TRIM5: variants seen among roughly 807,000 people sequenced by gnomAD.
TRIM5 encodes tripartite motif-containing protein 5.
TRIM5 carries 31 observed loss-of-function variants against 35.6 expected under a neutral mutation model. The ratio of observed to expected loss-of-function variants is 0.87; its 90% CI spans 0.65 to 1.18. TRIM5 has a LOEUF of 1.18. Among genes scored for constraint, TRIM5 ranks in the 50% most tolerant of loss-of-function variants. The pLI is 0.00. For missense variants in TRIM5, 609 were observed against 591.6 expected (o/e 1.03, Z -0.31); for synonymous variants, 243 against 215.6 (o/e 1.13, Z -1.11).
chr11:5,593,851 C>T, the TRIM5 span, among the ~76,000 whole-genome samples: 1 of 152,196 alleles, frequency 6.6e-6, no homozygotes, highest in Non-Finnish European at 1.5e-5. Context: ...GCCCTCTTTA[C>T]CTTCAAACCT....
chr11:5,671,000 T>G (rs1235479055), intron 4 of TRIM5, among the ~76,000 whole-genome samples: 2 of 151,998 alleles, frequency 1.3e-5, no homozygotes, highest in African/African-American at 4.8e-5. Context: ...TCCCAGGACT[T>G]TGGGAGGCTG....
chr11:5,596,515 T>TCCCCTTCC, the TRIM5 span: 14 of 24,860 alleles, frequency 5.6e-4, no homozygotes, highest in African/African-American at 1.7e-3. Context: ...TCCCCCGTTC[T>TCCCCTTCC]CCCCTTCCCC....
chr11:5,592,915 A>T, the TRIM5 span, among the ~76,000 whole-genome samples: 1 of 98,552 alleles, frequency 1.0e-5, no homozygotes, highest in Non-Finnish European at 2.1e-5. Flanking sequence ...AGATTGTCTC[A>T]AAAAAAAAAA....
At chr11:5,604,041 G>T in the TRIM5 span, among the ~76,000 whole-genome samples, 5 of 152,082 alleles carry the variant, frequency 3.3e-5, no homozygotes, top group Admixed American at 1.3e-4. Flanking sequence ...TGTCGCCCAG[G>T]TTGGAGTGCA....
At chr11:5,635,640 C>T in the TRIM5 span, among the ~76,000 whole-genome samples, 1 of 152,118 alleles carries the variant, frequency 6.6e-6, no homozygotes, top group African/African-American at 2.4e-5. Flanking sequence ...ACAGACAGTG[C>T]TCTCCTTTCT....
chr11:5,620,322 C>T, the TRIM5 span, among the ~76,000 whole-genome samples: 2 of 151,350 alleles, frequency 1.3e-5, no homozygotes, highest in Non-Finnish European at 2.9e-5. Context: ...GGACTACAGG[C>T]GCGCGCCACT....
At chr11:5,615,243 C>A in the TRIM5 span, among the ~76,000 whole-genome samples, 2 of 152,118 alleles carry the variant, frequency 1.3e-5, no homozygotes, top group African/African-American at 2.4e-5. Flanking sequence ...AATGTGTATT[C>A]TGTGGTCCTG....
rs373609829 is a variant in TRIM5, at chr11:5,683,527, G to A, written c.-62+1341C>T. Among the ~76,000 whole-genome samples the A allele has an allele frequency of 4.1e-4, 62 of 150,746 alleles. 2 individuals carry two copies. The East Asian group carries it at 7.4e-3, about 18-fold the overall frequency. ...GACTTGGAGAAACTTTATGTCTAGCGAAGGGATTGTAAATACACCAATCGG... is the reference window on the plus strand; with the variant it reads ...GACTTGGAGAAACTTTATGTCTAGCAAAGGGATTGTAAATACACCAATCGG... On this transcript the variant is annotated intron_variant, in intron 1 of 7. Coordinates refer to ENST00000380034, the MANE Select transcript of TRIM5 (RefSeq NM_033034.3).
chr11:5,679,048 C>T lies in TRIM5; in HGVS notation c.513+26G>A, dbSNP rs780276344. 167 of 1,600,406 alleles carry T rather than the reference C, an allele frequency of 1.0e-4. No individual in the cohort carries two copies. The South Asian group carries it at 1.1e-3, about 11-fold the overall frequency. ...TGGTCCTGCCCAGATTTCTAGCTAA[C>T]TCCTTCGGGAACCACATCCTCTTGC... On this transcript the variant is annotated intron_variant, in intron 3 of 7. Coordinates refer to ENST00000380034, the MANE Select transcript of TRIM5 (RefSeq NM_033034.3).
Position 5,672,765 on chromosome 11 carries a change from T to C in TRIM5, c.745-5054A>G, listed in dbSNP as rs533923682. Among the ~76,000 whole-genome samples, 27 of 152,270 alleles carry C rather than the reference T, an allele frequency of 1.8e-4. No homozygotes were observed. The East Asian group carries it at 4.8e-3, about 27-fold the overall frequency. On this transcript the variant is annotated intron_variant, in intron 4 of 7. Coordinates refer to ENST00000380034, the MANE Select transcript of TRIM5 (RefSeq NM_033034.3). Reference sequence around the variant, plus strand: ...ATGACATATATGCATGTGAGATATATGACAAAATGATAACCAAAGATGAAG... The same window carrying C: ...ATGACATATATGCATGTGAGATATACGACAAAATGATAACCAAAGATGAAG...
chr11:5,677,544 G>A (rs1232355723), intron 4 of TRIM5, among the ~76,000 whole-genome samples: 1 of 152,208 alleles, frequency 6.6e-6, no homozygotes. Flanking sequence ...AAGTCAGTGT[G>A]GCGATTCCTC....
chr11:5,679,283 G>GTGAGAATGGCAA (rs1309324150), intron 2 of TRIM5, 114 bp from the exon 3 acceptor site: 17 of 871,706 alleles, frequency 2.0e-5, no homozygotes, highest in Non-Finnish European at 2.7e-5. Context: ...TGCAGAAACT[G>GTGAGAATGGCAA]TGAGAATGGC....
the TRIM5 span, among the ~76,000 whole-genome samples, chr11:5,602,509 T>C: frequency 1.3e-5 from 2 of 151,806 alleles, no homozygotes; most frequent in Admixed American, 1.3e-4. Context: ...GAGCAGACCC[T>C]TCTGATAAGG....
At chr11:5,615,345 A>T in the TRIM5 span, among the ~76,000 whole-genome samples, 122,493 of 152,080 alleles carry the variant, frequency 0.81, 49,460 homozygotes, top group East Asian at 0.93. Flanking sequence ...GTGTTGAAAT[A>T]TACAACTATA....
the TRIM5 span, among the ~76,000 whole-genome samples, chr11:5,618,098 A>G: frequency 2.0e-5 from 3 of 152,226 alleles, no homozygotes; most frequent in Non-Finnish European, 4.4e-5. Flanking sequence ...ACTGCTTTCA[A>G]GTTACAACAG....
At chr11:5,624,688 T>A in the TRIM5 span, 1 of 152,190 alleles carries the variant, frequency 6.6e-6, no homozygotes, top group Non-Finnish European at 1.5e-5. Context: ...CTTAGCGGCA[T>A]CTGTGACCTG....
At chr11:5,622,462 A>T in the TRIM5 span, among the ~76,000 whole-genome samples, 1 of 145,350 alleles carries the variant, frequency 6.9e-6, no homozygotes, top group Non-Finnish European at 1.5e-5. Context: ...AAAAAAAGAA[A>T]AAAAGAAAAA....
the TRIM5 span, chr11:5,605,250 A>G: frequency 6.4e-7 from 1 of 1,570,516 alleles, no homozygotes. Flanking sequence ...CCAGGAAAGC[A>G]GTCCTGAGCC....
At chr11:5,604,723 T>A in the TRIM5 span, 1 of 1,329,112 alleles carries the variant, frequency 7.5e-7, no homozygotes, top group Non-Finnish European at 1.0e-6. Context: ...GTCTGTCCTC[T>A]GATGCCATGA....
Sources: allele counts gnomAD v4.1 joint callset (sites outside exome capture counted in the v4.1 genomes callset), GRCh38; gene constraint gnomAD v4.1.1; transcripts MANE v1.5; gene names NCBI Gene and HGNC (gene_info 2026-07-23, HGNC 2026-07-21).